Variants in CTNND2 observed in about 807,000 individuals in gnomAD.
CTNND2 encodes catenin delta-2.
A neutral mutation model predicts 144.4 loss-of-function variants in CTNND2; 22 were observed. That is an observed-to-expected ratio of 0.15 (90% CI 0.11 to 0.22). CTNND2 has a LOEUF of 0.22. Among genes scored for constraint, CTNND2 ranks in the 10% least tolerant of loss-of-function variants. The pLI is 1.00. For synonymous variants in CTNND2, 751 were observed against 695.6 expected (o/e 1.08, Z -1.25); for missense variants, 1,353 against 1,618.8 (o/e 0.84, Z 2.82).
chr5:11,352,691 G>C (rs747580070), intron 8 of CTNND2, among the ~76,000 whole-genome samples: 1 of 152,042 alleles, frequency 6.6e-6, no homozygotes, highest in Non-Finnish European at 1.5e-5. Context: ...TTCTATGTAA[G>C]TACAATTTTT....
chr5:11,201,761 T>C (rs1561013549), intron 10 of CTNND2, among the ~76,000 whole-genome samples: 2 of 152,060 alleles, frequency 1.3e-5, no homozygotes, highest in East Asian at 3.9e-4. Context: ...AGCACCTGGG[T>C]AAGGGAGACT....
intron 17 of CTNND2, 58 bp from the exon 18 acceptor site, chr5:11,018,116 T>C: frequency 8.8e-7 from 1 of 1,142,488 alleles, no homozygotes. Flanking sequence ...GTCACATTTC[T>C]GTAATTCTTG....
intron 1 of CTNND2, among the ~76,000 whole-genome samples, chr5:11,744,699 G>GCGCA (rs1788212835): frequency 5.4e-5 from 8 of 147,040 alleles, no homozygotes; most frequent in Admixed American, 2.0e-4. Flanking sequence ...GTGTGTGCGT[G>GCGCA]TGTGTGTGTG....
intron 9 of CTNND2, among the ~76,000 whole-genome samples, chr5:11,306,309 T>C (rs958236324): frequency 1.3e-5 from 2 of 152,208 alleles, no homozygotes; most frequent in African/African-American, 4.8e-5. Flanking sequence ...AATACAGTTG[T>C]TCTTAAGTAT....
intron 3 of CTNND2, among the ~76,000 whole-genome samples, chr5:11,498,114 G>C (rs190346506): frequency 8.0e-4 from 122 of 152,314 alleles, no homozygotes; most frequent in African/African-American, 2.7e-3. Flanking sequence ...GATTGTGAGT[G>C]TGCAAATAAG....
At chr5:11,038,694 C>T (rs1744354653) in intron 16 of CTNND2, among the ~76,000 whole-genome samples, 1 of 152,094 alleles carries the variant, frequency 6.6e-6, no homozygotes, top group Non-Finnish European at 1.5e-5. Flanking sequence ...TTTCAGCAAT[C>T]CAGAATCAAA....
intron 10 of CTNND2, among the ~76,000 whole-genome samples, chr5:11,229,377 C>G (rs1426762115): frequency 2.0e-5 from 3 of 152,000 alleles, no homozygotes; most frequent in African/African-American, 4.8e-5. Flanking sequence ...AAATATTTAG[C>G]TGGGCATGGT....
intron 3 of CTNND2, among the ~76,000 whole-genome samples, chr5:11,526,038 G>A (rs1191277620): frequency 6.6e-6 from 1 of 152,112 alleles, no homozygotes; most frequent in Non-Finnish European, 1.5e-5. Flanking sequence ...TATGTAGCTG[G>A]AATTGCACGT....
At chr5:11,197,969 T>C (rs1359720703) in intron 11 of CTNND2, among the ~76,000 whole-genome samples, 1 of 152,212 alleles carries the variant, frequency 6.6e-6, no homozygotes, top group Non-Finnish European at 1.5e-5. Context: ...CAGAAGGTGC[T>C]CTGCTGGTCT....
At chr5:11,394,577 T>C (rs1006509861) in intron 6 of CTNND2, among the ~76,000 whole-genome samples, 1 of 152,224 alleles carries the variant, frequency 6.6e-6, no homozygotes, top group African/African-American at 2.4e-5. Flanking sequence ...CTCTCTCCTC[T>C]GGACCAGCTC....
At chr5:11,251,763 C>A (rs949364599) in intron 9 of CTNND2, among the ~76,000 whole-genome samples, 6 of 152,122 alleles carry the variant, frequency 3.9e-5, no homozygotes, top group African/African-American at 1.4e-4. Context: ...AAAGTTTATA[C>A]TCAGAATTTC....
At chr5:11,836,790 T>C (rs1794208374) in intron 1 of CTNND2, among the ~76,000 whole-genome samples, 1 of 152,144 alleles carries the variant, frequency 6.6e-6, no homozygotes, top group Non-Finnish European at 1.5e-5. Flanking sequence ...GCAATGAAAA[T>C]ATGTGAGACA....
chr5:11,588,323 A>C (rs561361525), intron 2 of CTNND2, among the ~76,000 whole-genome samples: 1 of 152,248 alleles, frequency 6.6e-6, no homozygotes, highest in South Asian at 2.1e-4. Context: ...AAGGAAAAAA[A>C]AAAAAGACCT....
At chr5:10,995,875 G>T (rs1280763238) in intron 18 of CTNND2, among the ~76,000 whole-genome samples, 1 of 152,128 alleles carries the variant, frequency 6.6e-6, no homozygotes, top group Non-Finnish European at 1.5e-5. Flanking sequence ...ATTCACTCTT[G>T]ATTTTTTTGT....
chr5:11,770,343 A>C (rs1480592262), intron 1 of CTNND2, among the ~76,000 whole-genome samples: 1 of 152,008 alleles, frequency 6.6e-6, no homozygotes, highest in Non-Finnish European at 1.5e-5. Flanking sequence ...CAGAATTAGA[A>C]TATATAAGGA....
chr5:11,271,749 G>C (rs1746038347), intron 9 of CTNND2, among the ~76,000 whole-genome samples: 2 of 152,124 alleles, frequency 1.3e-5, no homozygotes, highest in Non-Finnish European at 2.9e-5. Context: ...TTACCAAGTG[G>C]GTCCTCACCA....
chr5:11,307,860 C>T (rs1750415690), intron 9 of CTNND2, among the ~76,000 whole-genome samples: 1 of 152,116 alleles, frequency 6.6e-6, no homozygotes, highest in African/African-American at 2.4e-5. Context: ...AATCCTAATT[C>T]CTAAGGGGAT....
At chr5:11,299,245 G>A (rs557298707) in intron 9 of CTNND2, among the ~76,000 whole-genome samples, 8 of 152,134 alleles carry the variant, frequency 5.3e-5, no homozygotes, top group African/African-American at 1.9e-4. Context: ...TTACCACTTC[G>A]ATGTCCCACT....
chr5:11,689,321 G>T (rs1036436371), intron 2 of CTNND2, among the ~76,000 whole-genome samples: 6 of 152,292 alleles, frequency 3.9e-5, no homozygotes, highest in African/African-American at 1.4e-4. Flanking sequence ...ATGTGGTAGA[G>T]TATTAAAAAT....
Sources: gnomAD v4.1 joint callset for allele counts (sites outside exome capture counted in the v4.1 genomes callset) on GRCh38, gnomAD v4.1.1 for gene constraint, MANE v1.5 for transcripts, NCBI Gene and HGNC (gene_info 2026-07-23, HGNC 2026-07-21) for gene names.